Variants in SUSD1 observed in about 807,000 individuals in gnomAD.
SUSD1 encodes sushi domain containing 1.
Under a neutral mutation model 86.9 loss-of-function variants are expected in SUSD1, and 65 were observed. That is an observed-to-expected ratio of 0.75 (90% CI 0.61 to 0.92). The LOEUF (loss-of-function observed/expected upper bound fraction) is 0.92. SUSD1 is among the 40% of genes least tolerant of loss of function. SUSD1 has a pLI of 0.00. For missense variants in SUSD1, 850 were observed against 929.7 expected (o/e 0.91, Z 1.11); for synonymous variants, 346 against 350.0 (o/e 0.99, Z 0.13).
intron 7 of SUSD1, 99 bp downstream of exon 7, chr9:112,112,672 A>G: frequency 1.3e-6 from 1 of 768,940 alleles, no homozygotes; most frequent in Non-Finnish European, 2.2e-6. Context: ...AAAAACAGCA[A>G]TTAGATTGAG....
intron 14 of SUSD1, among the ~76,000 whole-genome samples, chr9:112,057,277 C>T (rs1223028699): frequency 1.3e-5 from 2 of 152,152 alleles, no homozygotes; most frequent in African/African-American, 4.8e-5. Flanking sequence ...ATGTCTGTTG[C>T]CTAAGCTACC....
At chr9:112,106,654 A>C (rs1830852473) in intron 8 of SUSD1, among the ~76,000 whole-genome samples, 2 of 151,674 alleles carry the variant, frequency 1.3e-5, no homozygotes, top group African/African-American at 4.9e-5. Flanking sequence ...CTCTTTGGAG[A>C]GATAATACAT....
chr9:112,125,775 A>T (rs565249973), intron 5 of SUSD1, among the ~76,000 whole-genome samples: 6 of 152,336 alleles, frequency 3.9e-5, no homozygotes, highest in Admixed American at 3.9e-4. Context: ...TGGCCTTAGA[A>T]ATAGATGGCT....
At chr9:112,100,674 A>AAACCCCATCTT (rs769488034) in intron 9 of SUSD1, among the ~76,000 whole-genome samples, 1 of 151,838 alleles carries the variant, frequency 6.6e-6, no homozygotes, top group Non-Finnish European at 1.5e-5. Flanking sequence ...TTTACCAAAA[A>AAACCCCATCTT]TACAAAAATT....
chr9:112,044,637 TA>T (rs1472964439), intron 15 of SUSD1, among the ~76,000 whole-genome samples: 2 of 152,240 alleles, frequency 1.3e-5, no homozygotes, highest in African/African-American at 4.8e-5. Context: ...TTTTGATCAC[TA>T]GAGCTTACAC....
intron 10 of SUSD1, among the ~76,000 whole-genome samples, chr9:112,098,158 A>C (rs1164878159): frequency 6.6e-6 from 1 of 152,124 alleles, no homozygotes; most frequent in Admixed American, 6.5e-5. Context: ...GAATACCCTT[A>C]GGGTTCAGTT....
chr9:112,167,988 G>A (rs1043052803), intron 1 of SUSD1, among the ~76,000 whole-genome samples: 8 of 152,122 alleles, frequency 5.3e-5, no homozygotes, highest in African/African-American at 1.9e-4. Context: ...TCACTACCAC[G>A]AGAACAGTAT....
chr9:112,042,520 A>G (rs1827787380), intron 15 of SUSD1, among the ~76,000 whole-genome samples: 1 of 152,216 alleles, frequency 6.6e-6, no homozygotes, highest in Non-Finnish European at 1.5e-5. Context: ...CATACTTTCT[A>G]TTTGGGGACC....
intron 8 of SUSD1, among the ~76,000 whole-genome samples, chr9:112,109,749 T>G (rs1490240206): frequency 6.6e-6 from 1 of 152,234 alleles, no homozygotes; most frequent in African/African-American, 2.4e-5. Flanking sequence ...AGTGATGATC[T>G]TTTAAAGACA....
intron 5 of SUSD1, among the ~76,000 whole-genome samples, chr9:112,128,672 A>G (rs191560948): frequency 6.6e-6 from 1 of 152,296 alleles, no homozygotes; most frequent in African/African-American, 2.4e-5. Context: ...TAGTAGTTAG[A>G]ATGATTTGAT....
chr9:112,174,990 CCGGCG>C (rs562108686), intron 1 of SUSD1, 138 bp downstream of exon 1: 251 of 534,252 alleles, frequency 4.7e-4, no homozygotes, highest in South Asian at 3.3e-3. Context: ...TCTCCAACGG[CCGGCG>C]CGGGCCCCAC....
chr9:112,052,154 C>T (rs906940645), intron 15 of SUSD1: 27 of 1,439,044 alleles, frequency 1.9e-5, no homozygotes, highest in South Asian at 5.8e-5. Context: ...GTCCCACTCA[C>T]GGTGTTGAGT....
chr9:112,140,233 G>A lies in SUSD1; in HGVS notation c.706+2087C>T, dbSNP rs1467027141. Among the ~76,000 whole-genome samples, 2 of 128,230 alleles carry A rather than the reference G, an allele frequency of 1.6e-5. 1 individual carries two copies. The highest frequency in any genetic ancestry group is 7.4e-5 in the African/African-American group (2 of 26,930). 84.1% of individuals were successfully genotyped at this position (128,230 alleles called of 152,430 possible). On this transcript the variant is annotated intron_variant, in intron 5 of 16. Coordinates refer to ENST00000374270, the MANE Select transcript of SUSD1 (RefSeq NM_022486.5). ...AAAAATTAGCCGGGCGCGGTGGCGG[G>A]CGCCTGTAGTCCCAGCTACTGGGGA...
intron 12 of SUSD1, among the ~76,000 whole-genome samples, chr9:112,075,877 A>T (rs1829493999): frequency 6.6e-6 from 1 of 152,232 alleles, no homozygotes; most frequent in African/African-American, 2.4e-5. Flanking sequence ...ACTATGGAGA[A>T]GCCATATGTT....
intron 12 of SUSD1, among the ~76,000 whole-genome samples, chr9:112,064,712 C>T (rs545475666): frequency 1.3e-5 from 2 of 152,038 alleles, no homozygotes; most frequent in African/African-American, 4.8e-5. Flanking sequence ...TCTGTCTCTA[C>T]TAAAGATGCA....
chr9:112,142,891 C>T (rs1043581694), intron 4 of SUSD1, among the ~76,000 whole-genome samples: 1 of 141,896 alleles, frequency 7.0e-6, no homozygotes, highest in Non-Finnish European at 1.5e-5. Flanking sequence ...CATTTACTAT[C>T]TAACATAGTA....
intron 10 of SUSD1, among the ~76,000 whole-genome samples, chr9:112,094,401 T>A (rs576151852): frequency 6.6e-6 from 1 of 152,298 alleles, no homozygotes; most frequent in East Asian, 1.9e-4. Context: ...CCAAGGGCTT[T>A]TAAATGGCCC....
chr9:112,174,899 GT>G (rs1834204327), intron 1 of SUSD1, among the ~76,000 whole-genome samples: 1 of 151,574 alleles, frequency 6.6e-6, no homozygotes, highest in Non-Finnish European at 1.5e-5. Flanking sequence ...TAAAACCGGC[GT>G]CCCCCGGCGT....
chr9:112,174,818 C>T (rs2131880708), intron 1 of SUSD1, among the ~76,000 whole-genome samples: 1 of 152,212 alleles, frequency 6.6e-6, no homozygotes, highest in East Asian at 1.9e-4. Flanking sequence ...CTGCCCGGGT[C>T]CGCGCTCGCG....
Sources: allele counts gnomAD v4.1 joint callset (sites outside exome capture counted in the v4.1 genomes callset), GRCh38; gene constraint gnomAD v4.1.1; transcripts MANE v1.5; gene names NCBI Gene and HGNC (gene_info 2026-07-23, HGNC 2026-07-21).